The following PAM variants were observed in gnomAD, a reference collection of about 807,000 sequenced individuals.
The protein encoded by PAM is peptidyl-glycine alpha-amidating monooxygenase.
PAM carries 72 observed loss-of-function variants against 122.1 expected under a neutral mutation model. That is an observed-to-expected ratio of 0.59 (90% CI 0.49 to 0.72). PAM has a LOEUF of 0.72. PAM is among the 30% of genes least tolerant of loss of function. PAM has a pLI of 0.00. For missense variants in PAM, 1,106 were observed against 1,183.7 expected, an observed-to-expected ratio of 0.93 and a Z score of 0.96; for synonymous variants, 389 against 404.4, an observed-to-expected ratio of 0.96 and a Z score of 0.46.
intron 5 of PAM, among the ~76,000 whole-genome samples, chr5:102,918,998 A>G (rs1289285564): frequency 2.0e-5 from 3 of 152,128 alleles, no homozygotes; most frequent in African/African-American, 7.2e-5. Flanking sequence ...AACTAATCTT[A>G]ACAAACCAAA....
intron 5 of PAM, among the ~76,000 whole-genome samples, chr5:102,918,830 A>T (rs1024353015): frequency 1.3e-5 from 2 of 152,140 alleles, no homozygotes; most frequent in Admixed American, 6.6e-5. Flanking sequence ...TGCAAACCCC[A>T]AGATTTTGTG....
intron 1 of PAM, among the ~76,000 whole-genome samples, chr5:102,823,523 C>G (rs1772692191): frequency 6.6e-6 from 1 of 152,166 alleles, no homozygotes; most frequent in Non-Finnish European, 1.5e-5. Context: ...CTGGGTGATT[C>G]AGACTTTCCT....
intron 3 of PAM, among the ~76,000 whole-genome samples, chr5:102,889,629 A>G (rs1794175450): frequency 6.6e-6 from 1 of 151,840 alleles, no homozygotes; most frequent in Admixed American, 6.6e-5. Flanking sequence ...TAATGCTTTC[A>G]TTATAGAAAT....
At chr5:102,789,455 A>G (rs928201595) in intron 1 of PAM, among the ~76,000 whole-genome samples, 2 of 152,160 alleles carry the variant, frequency 1.3e-5, no homozygotes, top group African/African-American at 4.8e-5. Flanking sequence ...ATCATTCAGC[A>G]TTAAAAAGGA....
chr5:102,783,276 A>T lies in PAM; in HGVS notation c.-374+27928A>T, dbSNP rs141478413. 9.7e-3 allele frequency among the ~76,000 whole-genome samples: 1,482 copies of T among 152,292 alleles called. 22 individuals carry two copies. The highest frequency in any genetic ancestry group is 0.034 in the African/African-American group (1,412 of 41,534). ...GATGCCCAGTTAAATTTGAATTTCA[A>T]ATAAACAATAAATAATTTTGATTAT... On this transcript the variant is annotated intron_variant, in intron 1 of 25. Transcript: ENST00000438793.
intron 1 of PAM, among the ~76,000 whole-genome samples, chr5:102,856,953 A>C (rs541040392): frequency 6.1e-5 from 9 of 148,512 alleles, no homozygotes; most frequent in Non-Finnish European, 8.8e-5. Context: ...AAACAAACCA[A>C]CAACAACAAC....
intron 1 of PAM, among the ~76,000 whole-genome samples, chr5:102,835,967 G>T (rs1776905130): frequency 6.6e-6 from 1 of 151,938 alleles, no homozygotes; most frequent in African/African-American, 2.4e-5. Context: ...AACCTGAATG[G>T]GCAAATATAC....
chr5:102,791,465 A>G (rs538348713), intron 1 of PAM, among the ~76,000 whole-genome samples: 5 of 152,046 alleles, frequency 3.3e-5, no homozygotes, highest in East Asian at 1.9e-4. Context: ...GAACATTTTT[A>G]TATTATTTTT....
chr5:102,811,592 T>A (rs968602301), intron 1 of PAM, among the ~76,000 whole-genome samples: 2 of 152,202 alleles, frequency 1.3e-5, no homozygotes, highest in East Asian at 3.9e-4. Context: ...AGTTAACATA[T>A]TCACAGGCTC....
At chr5:102,988,825 T>C (rs769998854) in intron 15 of PAM, among the ~76,000 whole-genome samples, 1 of 152,198 alleles carries the variant, frequency 6.6e-6, no homozygotes, top group Non-Finnish European at 1.5e-5. Flanking sequence ...ATTAAAAAAA[T>C]GTACAAAGTT....
rs76700306 is a variant in PAM, at chr5:103,023,423, G to T, written c.2486-1708G>T. 7.9e-3 allele frequency among the ~76,000 whole-genome samples: 1,184 copies of T among 150,612 alleles called. 20 individuals are homozygous for T. The highest frequency in any genetic ancestry group is 0.026 in the African/African-American group (1,077 of 40,996). On this transcript the variant is annotated intron_variant, in intron 23 of 25. Transcript: ENST00000438793. ...TTTGGCCTGTGTTTTTTACTCCCAT[G>T]ATCTATTTATTGCAATTTTCTTATT... is the stretch of plus-strand genomic sequence containing the variant.
intron 1 of PAM, among the ~76,000 whole-genome samples, chr5:102,849,531 C>T (rs1297698336): frequency 1.4e-5 from 2 of 143,882 alleles, no homozygotes; most frequent in Admixed American, 7.2e-5. Context: ...GCACTCCAGC[C>T]TGGGTGACAG....
chr5:103,003,049 T>G lies in PAM; in HGVS notation c.1630T>G (p.Phe544Val), dbSNP rs1417106288. The G allele has an allele frequency of 6.3e-7, 1 of 1,584,154 alleles. No homozygotes were observed. The highest frequency in any genetic ancestry group is 1.3e-5 in the African/African-American group (1 of 74,360). Residue 544 changes from phenylalanine (F) to valine (V), a missense_variant, in exon 17 of 26, where the codon TTT (phenylalanine) becomes GTT (valine). Physicochemically the swap from Phe to Val is conservative, Grantham distance 50 (BLOSUM62 -1). This residue lies in a region of PAM where 670 missense variants were observed against 690.3 expected (regional missense o/e 0.97). Transcript: ENST00000438793. ...VWDGNSFDSK[F>V]VYQQIGLGPI... ...TTTGTTTAGCTCGTTTGACAGCAAG[T>G]TTGTTTACCAGCAAATAGGACTCGG...
chr5:102,896,976 T>C (rs1341725116), intron 3 of PAM, among the ~76,000 whole-genome samples: 3 of 151,628 alleles, frequency 2.0e-5, no homozygotes, highest in South Asian at 2.1e-4. Context: ...CTCCTATGCA[T>C]GCATTAAAAA....
intron 15 of PAM, chr5:102,987,683 C>T: frequency 8.6e-6 from 3 of 348,626 alleles, no homozygotes; most frequent in East Asian, 1.6e-4. Flanking sequence ...TCTAAACCTT[C>T]AGTGGCTCCC....
rs1757717231 is a variant in PAM, at chr5:102,948,456, A to C, written c.643+11A>C. ...CAGCAGGAGAAAAAGGTGAGTAATG[A>C]TTTTTTAATATTTACCATTACCTCA... On this transcript the variant is annotated intron_variant, in intron 9 of 25. Coordinates refer to ENST00000438793, the MANE Select transcript of PAM (RefSeq NM_001177306.2). 1.5e-6 allele frequency: 2 copies of C among 1,335,540 alleles called. No individual in the cohort carries two copies. The highest frequency in any genetic ancestry group is 2.9e-5 in the African/African-American group (2 of 69,506). 82.7% of individuals were successfully genotyped at this position (1,335,540 alleles called of 1,614,324 possible).
intron 2 of PAM, chr5:102,866,560 C>T (rs1463578394): frequency 2.3e-6 from 1 of 432,744 alleles, no homozygotes; most frequent in Non-Finnish European, 4.2e-6. Context: ...ACAATATATT[C>T]GCTTAGTTTT....
In PAM at chr5:102,953,314, A is replaced by C. The variant is rs1270178287; in HGVS notation, c.905+2494A>C. Among the ~76,000 whole-genome samples the C allele has an allele frequency of 3.3e-5, 5 of 152,194 alleles. No individual in the cohort carries two copies. The South Asian group carries it at 1.0e-3, about 32-fold the overall frequency. On this transcript the variant is annotated intron_variant, in intron 12 of 25. Transcript: ENST00000438793. ...TGGATTTAACCACCTGAGTGTCCAT[A>C]AATGGATGAATGCATAAAGAAATGT...
rs181399873 is a variant in PAM, at chr5:102,984,659, A to G, written c.1484-5613A>G. Reference sequence around the variant, plus strand: ...ACAATAATGGTTGGGGACCTCAACCATTGTCAGCATCGGACAGATCATGTA... The same window carrying G: ...ACAATAATGGTTGGGGACCTCAACCGTTGTCAGCATCGGACAGATCATGTA... On this transcript the variant is annotated intron_variant, in intron 15 of 25. Transcript: ENST00000438793. 8.5e-5 allele frequency among the ~76,000 whole-genome samples: 13 copies of G among 152,290 alleles called. No individual in the cohort carries two copies. The East Asian group carries it at 1.7e-3, about 20-fold the overall frequency.
Sources: allele counts gnomAD v4.1 joint callset (sites outside exome capture counted in the v4.1 genomes callset), GRCh38; gene constraint gnomAD v4.1.1; regional missense constraint gnomAD v4.1.1; transcripts MANE v1.5; gene names NCBI Gene and HGNC (gene_info 2026-07-23, HGNC 2026-07-21).